The following SCFD2 variants were observed in gnomAD, a reference collection of about 807,000 sequenced individuals.
SCFD2 encodes the protein sec1 family domain containing 2.
A neutral mutation model predicts 58.9 loss-of-function variants in SCFD2; 54 were observed. The ratio of observed to expected loss-of-function variants is 0.92; its 90% CI spans 0.74 to 1.15. SCFD2 has a LOEUF of 1.15. SCFD2 is among the 50% of genes most tolerant of loss of function. The pLI, the probability that SCFD2 is intolerant of heterozygous loss-of-function variation, is 0.00. For synonymous variants in SCFD2, 321 were observed against 335.9 expected, an observed-to-expected ratio of 0.96 and a Z score of 0.49; for missense variants, 805 against 836.6, an observed-to-expected ratio of 0.96 and a Z score of 0.47.
chr4:52,974,206 A>G (rs552292187), intron 5 of SCFD2, among the ~76,000 whole-genome samples: 26 of 152,334 alleles, frequency 1.7e-4, no homozygotes, highest in Non-Finnish European at 2.5e-4. Context: ...AGGGCATTCA[A>G]TTAGGAAAAG....
chr4:53,185,046 C>A (rs10517283), intron 4 of SCFD2, among the ~76,000 whole-genome samples: 31,642 of 152,048 alleles, frequency 0.21, 3,700 homozygotes, highest in Non-Finnish European at 0.28. Flanking sequence ...AGCTAATTGA[C>A]TCTCAACATT....
At chr4:53,067,485 G>A (rs1305367228) in intron 5 of SCFD2, among the ~76,000 whole-genome samples, 1 of 152,004 alleles carries the variant, frequency 6.6e-6, no homozygotes, top group African/African-American at 2.4e-5. Flanking sequence ...ACCTTGAAGT[G>A]TAATAATCCC....
intron 2 of SCFD2, among the ~76,000 whole-genome samples, chr4:53,335,194 C>CAAAAAAAAAAAAAAAAAAAAACA (rs56344451): frequency 2.5e-5 from 2 of 80,610 alleles, no homozygotes; most frequent in Non-Finnish European, 4.0e-5. Context: ...GACTCCGTCT[C>CAAAAAAAAAAAAAAAAAAAAACA]AAAAAAAAAA....
chr4:53,001,804 A>C (rs1203346346), intron 5 of SCFD2, among the ~76,000 whole-genome samples: 1 of 152,246 alleles, frequency 6.6e-6, no homozygotes, highest in Non-Finnish European at 1.5e-5. Flanking sequence ...CTTTACCTAC[A>C]ATGTCTCACT....
At chr4:53,249,275 G>C (rs565505138) in intron 4 of SCFD2, among the ~76,000 whole-genome samples, 17 of 152,074 alleles carry the variant, frequency 1.1e-4, no homozygotes, top group South Asian at 2.1e-4. Context: ...AAAAAGAAAC[G>C]AACAAAGCCT....
Position 53,248,500 on chromosome 4 carries a change from C to A in SCFD2, c.1311+25326G>T, listed in dbSNP as rs533217277. 2.3e-4 allele frequency among the ~76,000 whole-genome samples: 35 copies of A among 152,332 alleles called. 1 individual carries two copies. Among genetic ancestry groups the A allele is most frequent in the African/African-American group, 7.5e-4 (31 of 41,576 alleles). ...CAGACAAACAAAAAGACAGCAGTAA[C>A]CTCTGCAGACTTAAATGTCCCTGTC... On this transcript the variant is annotated intron_variant, in intron 4 of 8. Transcript: ENST00000401642.
intron 7 of SCFD2, among the ~76,000 whole-genome samples, chr4:52,901,260 T>C (rs1027277971): frequency 9.2e-5 from 14 of 152,224 alleles, no homozygotes; most frequent in African/African-American, 3.4e-4. Context: ...AGACTGGAGC[T>C]GTTCCTATTT....
intron 5 of SCFD2, among the ~76,000 whole-genome samples, chr4:53,073,340 G>T (rs1037323705): frequency 1.2e-4 from 18 of 152,056 alleles, no homozygotes; most frequent in African/African-American, 4.3e-4. Context: ...AGGGATGATT[G>T]TATGTGTTAT....
At chr4:53,293,703 T>C (rs1231734737) in intron 3 of SCFD2, among the ~76,000 whole-genome samples, 1 of 152,186 alleles carries the variant, frequency 6.6e-6, no homozygotes, top group Non-Finnish European at 1.5e-5. Flanking sequence ...GTTTTTTCCC[T>C]AAAATCTGGT....
At chr4:53,256,708 C>T (rs1730648084) in intron 4 of SCFD2, among the ~76,000 whole-genome samples, 1 of 151,978 alleles carries the variant, frequency 6.6e-6, no homozygotes, top group African/African-American at 2.4e-5. Flanking sequence ...AACCCTGTCT[C>T]CACCAAAAAA....
intron 2 of SCFD2, among the ~76,000 whole-genome samples, chr4:53,338,575 C>CTTTTTTTTTGTTT (rs1733753004): frequency 1.4e-5 from 1 of 72,296 alleles, no homozygotes; most frequent in Non-Finnish European, 2.5e-5. Context: ...GTATATTTTT[C>CTTTTTTTTTGTTT]TTTTTTTTTT....
At chr4:52,926,843 C>A (rs1170859863) in intron 5 of SCFD2, among the ~76,000 whole-genome samples, 1 of 152,144 alleles carries the variant, frequency 6.6e-6, no homozygotes, top group African/African-American at 2.4e-5. Flanking sequence ...GGGGTCATGA[C>A]CTCCCCCATC....
chr4:53,159,628 C>A (rs1001392016), intron 4 of SCFD2, among the ~76,000 whole-genome samples: 7 of 152,178 alleles, frequency 4.6e-5, no homozygotes, highest in Non-Finnish European at 8.8e-5. Flanking sequence ...TGGTAAGGCA[C>A]ACGACTAGCC....
intron 5 of SCFD2, among the ~76,000 whole-genome samples, chr4:53,014,730 T>A (rs185068477): frequency 6.6e-6 from 1 of 152,294 alleles, no homozygotes; most frequent in African/African-American, 2.4e-5. Context: ...ATGCCAAGCA[T>A]ATAACAGGAG....
At chr4:53,285,427 C>T (rs1448664485) in intron 3 of SCFD2, among the ~76,000 whole-genome samples, 1 of 151,940 alleles carries the variant, frequency 6.6e-6, no homozygotes, top group Non-Finnish European at 1.5e-5. Flanking sequence ...AGTCATGGGC[C>T]TTCTCCCCAT....
intron 5 of SCFD2, among the ~76,000 whole-genome samples, chr4:52,941,117 G>A (rs1242089362): frequency 6.6e-6 from 1 of 151,734 alleles, no homozygotes; most frequent in Non-Finnish European, 1.5e-5. Context: ...AGAGAAGGTA[G>A]CCTCACACCC....
intron 5 of SCFD2, among the ~76,000 whole-genome samples, chr4:52,925,417 C>T (rs1007220911): frequency 2.0e-5 from 3 of 150,874 alleles, no homozygotes; most frequent in Non-Finnish European, 4.4e-5. Flanking sequence ...CAAAGAGATG[C>T]TAAAATGGAG....
chr4:53,213,345 G>A (rs142835056), intron 4 of SCFD2, among the ~76,000 whole-genome samples: 6 of 152,124 alleles, frequency 3.9e-5, no homozygotes, highest in South Asian at 2.1e-4. Flanking sequence ...ACAAGAACTC[G>A]AAAACCTTCT....
chr4:53,218,474 T>G (rs150436991), intron 4 of SCFD2, among the ~76,000 whole-genome samples: 2 of 152,204 alleles, frequency 1.3e-5, no homozygotes, highest in African/African-American at 4.8e-5. Flanking sequence ...GGTTCTCATG[T>G]CATGGTTTTC....
Sources: gnomAD v4.1 joint callset for allele counts (sites outside exome capture counted in the v4.1 genomes callset) on GRCh38, gnomAD v4.1.1 for gene constraint, MANE v1.5 for transcripts, NCBI Gene and HGNC (gene_info 2026-07-23, HGNC 2026-07-21) for gene names.